Variants in COL12A1 observed in about 807,000 individuals in gnomAD.
COL12A1 encodes collagen type XII alpha 1 chain, also known as collagen alpha-1(XII) chain.
Under a neutral mutation model 349.7 loss-of-function variants are expected in COL12A1, and 114 were observed. The ratio of observed to expected loss-of-function variants is 0.33; its 90% CI spans 0.28 to 0.38. The LOEUF (loss-of-function observed/expected upper bound fraction) is 0.38. COL12A1 is among the 10% of genes least tolerant of loss of function. The pLI is 1.00. For synonymous variants in COL12A1, 1,369 were observed against 1,329.0 expected (o/e 1.03, Z -0.66); for missense variants, 3,284 against 3,756.9 (o/e 0.87, Z 3.29).
In COL12A1 at chr6:75,134,141, A is replaced by T. The variant is rs1766458392; in HGVS notation, c.5525-144T>A. On this transcript the variant is annotated intron_variant, in intron 32 of 65. Coordinates refer to ENST00000322507, the MANE Select transcript of COL12A1 (RefSeq NM_004370.6). The stretch of plus-strand genomic sequence containing the variant: ...TTGAAGTAGTGAATAAACGACACAC[A>T]CTGTGTCCGCGTCAGCCTGATGCAT... 5.8e-6 allele frequency: 5 copies of T among 856,180 alleles called. No individual in the cohort carries two copies. The Admixed American group carries it at 7.6e-5, about 13-fold the overall frequency. 53.0% of individuals were successfully genotyped at this position (856,180 alleles called of 1,614,324 possible). A position where few individuals can be genotyped will look rare whatever the true frequency, so the allele number is the denominator to read the frequency against.
chr6:75,186,755 G>T (rs1386300153), intron 8 of COL12A1, among the ~76,000 whole-genome samples: 3 of 152,036 alleles, frequency 2.0e-5, no homozygotes, highest in Non-Finnish European at 2.9e-5. Context: ...AGGAAAATGT[G>T]GTACATATAT....
rs374249087 is a variant in COL12A1 at position 75,095,474 on chromosome 6, A to G, written c.8578-295T>C. 7.9e-3 allele frequency among the ~76,000 whole-genome samples: 1,186 copies of G among 151,000 alleles called. 9 individuals are homozygous for G. The highest frequency in any genetic ancestry group is 0.027 in the African/African-American group (1,104 of 41,078). On this transcript the variant is annotated intron_variant, in intron 59 of 65. Transcript: ENST00000322507. ...CTACTAAAAATACAAAAAATTAGCC[A>G]GGCGCGGTGGCGGGCGCCTGTAGTC...
At chr6:75,110,851 G>A (rs974358468) in intron 51 of COL12A1, among the ~76,000 whole-genome samples, 1 of 152,042 alleles carries the variant, frequency 6.6e-6, no homozygotes, top group Non-Finnish European at 1.5e-5. Flanking sequence ...GACGGAAAGT[G>A]AAGAAAGAGT....
At chr6:75,095,762 CAGTT>C (rs1767993617) in intron 59 of COL12A1, among the ~76,000 whole-genome samples, 1 of 151,810 alleles carries the variant, frequency 6.6e-6, no homozygotes, top group South Asian at 2.1e-4. Context: ...TGTATATAAT[CAGTT>C]TCACAATTTA....
chr6:75,094,046 A>T (rs763648758), intron 60 of COL12A1, among the ~76,000 whole-genome samples: 1 of 152,202 alleles, frequency 6.6e-6, no homozygotes, highest in Non-Finnish European at 1.5e-5. Context: ...CGCAGTTTTT[A>T]AAGTATTTAG....
In COL12A1 at chr6:75,188,427, T is replaced by A; in HGVS notation, c.932A>T (p.Glu311Val). The A allele has an allele frequency of 6.2e-7, 1 of 1,613,694 alleles. No homozygotes were observed. Among genetic ancestry groups the A allele is most frequent in the Non-Finnish European group, 8.5e-7 (1 of 1,179,712 alleles). The change falls in exon 8 of 66, where the codon GAG (glutamate) becomes GTG (valine). Residue 311 changes from glutamate (E) to valine (V), a missense_variant. Coordinates refer to ENST00000322507, the MANE Select transcript of COL12A1 (RefSeq NM_004370.6). The stretch of plus-strand genomic sequence containing the variant: ...ACCTGAGCACACCTGGGAGATGATC[T>A]CATTCTGAATATCCACAATTGCATC... ...NFDAIVDIQN[E>V]IISQVCSGVD...
intron 46 of COL12A1, among the ~76,000 whole-genome samples, chr6:75,118,458 G>T (rs747527927): frequency 5.9e-5 from 9 of 152,150 alleles, no homozygotes; most frequent in Non-Finnish European, 1.3e-4. Context: ...GGGACAGCAG[G>T]GGGTAGGGGG....
intron 65 of COL12A1, among the ~76,000 whole-genome samples, chr6:75,086,984 T>C (rs1028010215): frequency 1.3e-5 from 2 of 152,168 alleles, no homozygotes; most frequent in African/African-American, 4.8e-5. Context: ...TATTTCCAGA[T>C]TGGCATATCT....
In COL12A1 at chr6:75,165,502, C is replaced by T. The variant is rs1064794720; in HGVS notation, c.2983+5G>A. 1.9e-5 allele frequency: 31 copies of T among 1,612,310 alleles called. No individual in the cohort carries two copies. The highest frequency in any genetic ancestry group is 2.6e-5 in the Non-Finnish European group (31 of 1,179,570). ...ACACCCAAACACACCCATAATGTTA[C>T]CTACATTCAGTTGTGGCATCTCCAG... On this transcript the variant is annotated splice_donor_5th_base_variant and intron_variant, in intron 14 of 65. Transcript: ENST00000322507.
At position 75,123,356 on chromosome 6, in the gene COL12A1, G is replaced by A. The variant is rs561248120; in HGVS notation, c.6920C>T (p.Pro2307Leu). 8.1e-6 allele frequency: 13 copies of A among 1,607,874 alleles called. No individual in the cohort carries two copies. The highest frequency in any genetic ancestry group is 1.1e-5 in the South Asian group (1 of 89,656). Reference protein sequence around the residue: ...APTEPPTPPPPPTIPPARDVC... With the variant: ...APTEPPTPPPLPTIPPARDVC... Reference sequence around the variant, plus strand: ...ATCCCGGGCTGGTGGAATGGTGGGAGGGGGAGGAGGTGTGGGTGGCTCTGT... The same window carrying A: ...ATCCCGGGCTGGTGGAATGGTGGGAAGGGGAGGAGGTGTGGGTGGCTCTGT... Residue 2307 changes from proline to leucine, a missense_variant, in exon 43 of 66, where the codon CCT becomes CTT. Around this residue, in one of 2 missense-constraint regions of COL12A1, gnomAD observed 2,601 missense variants for 2,824.8 expected, o/e 0.92. Transcript: ENST00000322507.
In COL12A1 at chr6:75,186,600, C is replaced by T. The variant is rs147046058; in HGVS notation, c.997+1762G>A. 3.3e-5 allele frequency among the ~76,000 whole-genome samples: 5 copies of T among 152,266 alleles called. No individual in the cohort carries two copies. In the East Asian group the frequency reaches 9.6e-4, roughly 29 times the overall value. ...CTAAGAACAGAAACACCATTTAACC[C>T]AGCAATCCCATTACTGGGTATATAC... is the stretch of plus-strand genomic sequence containing the variant. On this transcript the variant is annotated intron_variant, in intron 8 of 65. Transcript: ENST00000322507.
chr6:75,098,557 G>A (rs1263224194), intron 58 of COL12A1, among the ~76,000 whole-genome samples: 1 of 152,160 alleles, frequency 6.6e-6, no homozygotes, highest in Non-Finnish European at 1.5e-5. Context: ...TACTTGGGAG[G>A]CTAAGGTGGA....
rs762022925 is a variant in COL12A1 at position 75,175,029 on chromosome 6, G to A, written c.2710+9C>T. The A allele has an allele frequency of 6.2e-7, 1 of 1,612,782 alleles. No homozygotes were observed. Among genetic ancestry groups the A allele is most frequent in the South Asian group, 1.1e-5 (1 of 90,804 alleles). Reference sequence around the variant, plus strand: ...TTCCTGGATTTTCAGAAAATATGATGGTAATTACCTTCAAGTGTTGTTCCT... The same window carrying A: ...TTCCTGGATTTTCAGAAAATATGATAGTAATTACCTTCAAGTGTTGTTCCT... On this transcript the variant is annotated intron_variant, in intron 13 of 65. Coordinates refer to ENST00000322507, the MANE Select transcript of COL12A1 (RefSeq NM_004370.6).
At position 75,145,461 on chromosome 6, in the gene COL12A1, C is replaced by T. The variant is rs560550352; in HGVS notation, c.4561-6G>A. On this transcript the variant is annotated splice_region_variant and splice_polypyrimidine_tract_variant and intron_variant, in intron 24 of 65. Coordinates refer to ENST00000322507, the MANE Select transcript of COL12A1 (RefSeq NM_004370.6). ...ACTGTTGGCCCCAAACGCACCTGCACATGGATATGTGGAGCAGAAATAAGA... is the reference window on the plus strand; with the variant it reads ...ACTGTTGGCCCCAAACGCACCTGCATATGGATATGTGGAGCAGAAATAAGA... 3.7e-6 allele frequency: 6 copies of T among 1,613,034 alleles called. No individual in the cohort carries two copies. Among genetic ancestry groups the T allele is most frequent in the East Asian group, 2.2e-5 (1 of 44,854 alleles).
At chr6:75,175,471 C>A (rs1395824002) in intron 12 of COL12A1, among the ~76,000 whole-genome samples, 161 bp from the exon 13 acceptor site, 3 of 152,198 alleles carry the variant, frequency 2.0e-5, no homozygotes, top group Non-Finnish European at 2.9e-5. Context: ...GCTTAAGCAT[C>A]TCTGAATCAG....
At chr6:75,111,682 G>T (rs1768846628) in intron 51 of COL12A1, among the ~76,000 whole-genome samples, 1 of 151,838 alleles carries the variant, frequency 6.6e-6, no homozygotes, top group Admixed American at 6.6e-5. Context: ...AACAGATAAA[G>T]ATCAGTTGAA....
At chr6:75,096,665 G>T (rs1371604117) in intron 59 of COL12A1, among the ~76,000 whole-genome samples, 1 of 152,184 alleles carries the variant, frequency 6.6e-6, no homozygotes, top group Admixed American at 6.5e-5. Flanking sequence ...GGGAGGCCGA[G>T]GCCGGCAGAT....
intron 55 of COL12A1, among the ~76,000 whole-genome samples, chr6:75,103,271 T>A (rs1021936520): frequency 1.3e-5 from 2 of 152,206 alleles, no homozygotes; most frequent in Non-Finnish European, 1.5e-5. Flanking sequence ...ACACATTATC[T>A]TCATAAAATA....
In COL12A1 at chr6:75,189,824, C is replaced by T. The variant is rs1769835128; in HGVS notation, c.395-9G>A. 3 of 1,607,740 alleles carry T rather than the reference C, an allele frequency of 1.9e-6. No individual in the cohort carries two copies. Among genetic ancestry groups the T allele is most frequent in the African/African-American group, 1.3e-5 (1 of 74,608 alleles). ...GGCACTGACAGAGCATTCTGAAATA[C>T]ATTTGATATCTTTTTAAATGATGCT... On this transcript the variant is annotated splice_polypyrimidine_tract_variant and intron_variant, in intron 5 of 65. Transcript: ENST00000322507.
Sources: gnomAD v4.1 joint callset for allele counts (sites outside exome capture counted in the v4.1 genomes callset) on GRCh38, gnomAD v4.1.1 for gene constraint, gnomAD v4.1.1 regional missense constraint, MANE v1.5 for transcripts, NCBI Gene and HGNC (gene_info 2026-07-23, HGNC 2026-07-21) for gene names.